ANO1: variants seen among roughly 807,000 people sequenced by gnomAD.
ANO1 encodes the protein anoctamin-1.
ANO1 carries 59 observed loss-of-function variants against 124.0 expected under a neutral mutation model. The observed-to-expected ratio is 0.48, with a 90% CI of 0.39 to 0.59. ANO1 has a LOEUF of 0.59. Among genes scored for constraint, ANO1 ranks in the 20% least tolerant of loss-of-function variants. The pLI is 0.00. For synonymous variants in ANO1, 529 were observed against 532.0 expected, an observed-to-expected ratio of 0.99 and a Z score of 0.08; for missense variants, 1,059 against 1,328.0, an observed-to-expected ratio of 0.80 and a Z score of 3.15.
intron 1 of ANO1, among the ~76,000 whole-genome samples, chr11:70,018,511 C>T (rs1475537410): frequency 6.6e-6 from 1 of 152,112 alleles, no homozygotes; most frequent in African/African-American, 2.4e-5. Context: ...AGCAGTTCTC[C>T]GCTGCTTCTA....
chr11:70,065,370 C>A (rs78679647), intron 1 of ANO1: 12 of 152,314 alleles, frequency 7.9e-5, no homozygotes, highest in African/African-American at 2.9e-4. Context: ...GGGGCCTTGA[C>A]TAAAATGTGT....
At chr11:70,038,386 A>G (rs1354298770) in intron 1 of ANO1, among the ~76,000 whole-genome samples, 1 of 152,220 alleles carries the variant, frequency 6.6e-6, no homozygotes, top group Non-Finnish European at 1.5e-5. Context: ...AATGTGACAC[A>G]GCCATAGGAC....
intron 2 of ANO1, among the ~76,000 whole-genome samples, chr11:70,099,688 C>T (rs1024070625): frequency 3.9e-5 from 6 of 152,160 alleles, no homozygotes; most frequent in Admixed American, 2.6e-4. Context: ...GCTTCTTGGC[C>T]GAAGGAGTCT....
At chr11:70,111,660 G>T (rs769082179) in intron 6 of ANO1, 47 bp from the exon 7 acceptor site, 1 of 1,594,596 alleles carries the variant, frequency 6.3e-7, no homozygotes, top group East Asian at 2.2e-5. Context: ...AATGGGAAGC[G>T]GGAGACCCGC....
chr11:70,106,337 C>T (rs555094572), intron 5 of ANO1, among the ~76,000 whole-genome samples: 1 of 152,366 alleles, frequency 6.6e-6, no homozygotes, highest in Admixed American at 6.5e-5. Flanking sequence ...TGGGGCTGTG[C>T]ATGGCTCAGG....
intron 10 of ANO1, among the ~76,000 whole-genome samples, chr11:70,131,619 C>T (rs1449398616): frequency 4.6e-5 from 7 of 152,238 alleles, no homozygotes; most frequent in African/African-American, 1.2e-4. Flanking sequence ...TGAGTCACCA[C>T]GCCCGTCCCA....
chr11:70,048,701 C>G (rs1176504920), intron 1 of ANO1, among the ~76,000 whole-genome samples: 2 of 150,054 alleles, frequency 1.3e-5, no homozygotes, highest in Non-Finnish European at 1.5e-5. Context: ...CTTCTCCACC[C>G]CCCACCGCTG....
At chr11:70,085,817 GC>G (rs2044352256) in intron 1 of ANO1, 4 of 1,044,106 alleles carry the variant, frequency 3.8e-6, no homozygotes, top group Non-Finnish European at 5.3e-6. Flanking sequence ...CCACCCTCCG[GC>G]TTCCCTGATA....
Position 70,131,997 on chromosome 11 carries a change from C to A in ANO1, c.1176C>A (p.Ser392Arg). ...CDKTCSYWKM[S>R]SACATARASH... ...AGACCTGCAGCTACTGGAAGATGAG[C>A]TCAGCCTGCGCCACGGCCCGCGCCA... Residue 392 changes from serine (S) to arginine (R), a missense_variant, in exon 11 of 26, where the codon AGC (serine) becomes AGA (arginine). Ser to Arg is a moderately radical substitution (Grantham distance 110). Around this residue, in one of 2 missense-constraint regions of ANO1, gnomAD observed 809 missense variants for 1,094.9 expected, o/e 0.74. Transcript: ENST00000355303. The A allele has an allele frequency of 6.2e-7, 1 of 1,610,064 alleles. No homozygotes were observed. The highest frequency in any genetic ancestry group is 8.5e-7 in the Non-Finnish European group (1 of 1,179,468).
At chr11:70,114,526 C>T (rs1313230065) in intron 7 of ANO1, among the ~76,000 whole-genome samples, 3 of 152,296 alleles carry the variant, frequency 2.0e-5, no homozygotes, top group Middle Eastern at 3.4e-3. Context: ...CTTCCATCTT[C>T]CTCCCCATGA....
At chr11:70,073,121 T>C (rs1220260642) in intron 1 of ANO1, among the ~76,000 whole-genome samples, 3 of 152,156 alleles carry the variant, frequency 2.0e-5, no homozygotes, top group African/African-American at 7.2e-5. Flanking sequence ...TTTTACTCTT[T>C]CAAGCCCCAG....
chr11:70,029,219 T>G (rs1856959975), intron 1 of ANO1, among the ~76,000 whole-genome samples: 1 of 152,074 alleles, frequency 6.6e-6, no homozygotes, highest in African/African-American at 2.4e-5. Context: ...CCATGCCTGG[T>G]GGTGGGGTTG....
intron 1 of ANO1, among the ~76,000 whole-genome samples, chr11:70,069,859 C>G (rs1555009091): frequency 6.6e-6 from 1 of 152,156 alleles, no homozygotes; most frequent in Non-Finnish European, 1.5e-5. Flanking sequence ...ATTATGCATG[C>G]CATTGGGGAG....
intron 2 of ANO1, among the ~76,000 whole-genome samples, chr11:70,098,467 G>A (rs2045110299): frequency 6.6e-6 from 1 of 152,218 alleles, no homozygotes; most frequent in Non-Finnish European, 1.5e-5. Flanking sequence ...GCTGTCTGGG[G>A]AGGCCCCTCT....
intron 11 of ANO1, among the ~76,000 whole-genome samples, chr11:70,142,364 G>T (rs755993697): frequency 6.6e-6 from 1 of 152,182 alleles, no homozygotes; most frequent in Non-Finnish European, 1.5e-5. Context: ...TCCCAGCTAG[G>T]TGGGGACGAA....
At chr11:70,103,201 A>G in intron 3 of ANO1, 37 bp downstream of exon 3, 1 of 1,551,514 alleles carries the variant, frequency 6.4e-7, no homozygotes, top group African/African-American at 1.4e-5. Flanking sequence ...ATGAATCGCC[A>G]AGTCTAGAGG....
intron 22 of ANO1, among the ~76,000 whole-genome samples, chr11:70,171,953 C>CA: frequency 6.6e-6 from 1 of 150,982 alleles, no homozygotes; most frequent in South Asian, 2.1e-4. Context: ...GACCCTGTCT[C>CA]AAAAAAACAA....
chr11:70,161,518 G>T (rs1417037541), intron 17 of ANO1, 104 bp from the exon 18 acceptor site: 7 of 1,421,130 alleles, frequency 4.9e-6, no homozygotes, highest in Non-Finnish European at 6.9e-6. Context: ...GTGCGCCTAT[G>T]AGAGCCGACT....
At chr11:70,039,435 C>T (rs1555004795) in intron 1 of ANO1, among the ~76,000 whole-genome samples, 2 of 152,196 alleles carry the variant, frequency 1.3e-5, no homozygotes, top group South Asian at 2.1e-4. Context: ...ATGCCCTATG[C>T]TGGCAGCAAG....
Sources: allele counts gnomAD v4.1 joint callset (sites outside exome capture counted in the v4.1 genomes callset), GRCh38; gene constraint gnomAD v4.1.1; regional missense constraint gnomAD v4.1.1; transcripts MANE v1.5; gene names NCBI Gene and HGNC (gene_info 2026-07-23, HGNC 2026-07-21).